The following C13orf46 variants were observed in gnomAD, a reference collection of about 807,000 sequenced individuals.
C13orf46 encodes the protein uncharacterized protein C13orf46.
At position 113,953,953 on chromosome 13, in the gene C13orf46, C is replaced by T. The variant is rs1458574656; in HGVS notation, c.*2820G>A. The T allele has an allele frequency of 6.6e-6, 1 of 152,344 alleles. No homozygotes were observed. Among genetic ancestry groups the T allele is most frequent in the Non-Finnish European group, 1.5e-5 (1 of 68,124 alleles). The allele number at this position is 152,344 out of a possible 1,614,324, so 9.4% of individuals were successfully genotyped here. ...AAATGATGACTCTGGGGCCGATGGG[C>T]ACTTATCTTCTGTGGTGTCTTTCAG... On this transcript the variant is annotated 3_prime_UTR_variant, in exon 7 of 7. Coordinates refer to ENST00000636427, the MANE Select transcript of C13orf46 (RefSeq NM_001365455.2).
chr13:113,945,604 A>G, the C13orf46 span, among the ~76,000 whole-genome samples: 1,923 of 94,564 alleles, frequency 0.02, 21 homozygotes, highest in Non-Finnish European at 0.025. Context: ...AAAGAAAGAA[A>G]GAAGAAAGAA....
chr13:113,955,603 ATCTGGCAGAGACGAGGAGTAGTG>A lies in C13orf46; in HGVS notation c.*1147_*1169del, dbSNP rs2052521851. On this transcript the variant is annotated 3_prime_UTR_variant, in exon 7 of 7. Transcript: ENST00000636427. ...GGAGCATCTCGTGGAGCGGAGGAGC[ATCTGGCAGAGACGAGGAGTAGTG>A]TCTGGCGGAGACGAGGAGTAGTGTC... 1 of 159,766 alleles carries A rather than the reference ATCTGGCAGAGACGAGGAGTAGTG, an allele frequency of 6.3e-6. No individual in the cohort carries two copies. The highest frequency in any genetic ancestry group is 1.9e-4 in the East Asian group (1 of 5,150). The allele number at this position is 159,766 out of a possible 1,614,324, so 9.9% of individuals were successfully genotyped here. A position where few individuals can be genotyped will look rare whatever the true frequency, so the allele number is the denominator to read the frequency against.
rs887836481 is a variant in C13orf46 at position 113,954,128 on chromosome 13, G to A, written c.*2645C>T. The A allele has an allele frequency of 1.3e-5, 2 of 152,216 alleles. No homozygotes were observed. The highest frequency in any genetic ancestry group is 4.8e-5 in the African/African-American group (2 of 41,432). The allele number at this position is 152,216 out of a possible 1,614,324, so 9.4% of individuals were successfully genotyped here. A position where few individuals can be genotyped will look rare whatever the true frequency, so the allele number is the denominator to read the frequency against. On this transcript the variant is annotated 3_prime_UTR_variant, in exon 7 of 7. Coordinates refer to ENST00000636427, the MANE Select transcript of C13orf46 (RefSeq NM_001365455.2). ...GCCCCTCCCTCCCTGGCTGAGTGAT[G>A]GGCAGAGCTCACCCTCTGGGAGCCT...
chr13:113,969,649 A>G, intron 2 of C13orf46, among the ~76,000 whole-genome samples: 1 of 152,318 alleles, frequency 6.6e-6, no homozygotes, highest in East Asian at 1.9e-4. Context: ...ATGACTTTTA[A>G]GTCTTCTTTG....
downstream of C13orf46, among the ~76,000 whole-genome samples, chr13:113,949,502 C>G (rs2052481038): frequency 1.3e-5 from 2 of 152,196 alleles, no homozygotes; most frequent in Non-Finnish European, 2.9e-5. Context: ...CAGGAAGGGC[C>G]TTTGAGATGA....
chr13:113,961,852 T>C (rs2052589516), intron 6 of C13orf46, among the ~76,000 whole-genome samples: 1 of 152,036 alleles, frequency 6.6e-6, no homozygotes, highest in African/African-American at 2.4e-5. Context: ...TCTGATGCTA[T>C]AAAGTGTGCA....
intron 1 of C13orf46, among the ~76,000 whole-genome samples, chr13:113,970,748 G>A (rs895224031): frequency 7.2e-5 from 11 of 152,268 alleles, no homozygotes; most frequent in South Asian, 2.1e-4. Context: ...GAGGCATTGC[G>A]GGATGTTTCT....
At chr13:113,966,018 G>A (rs903854192) in intron 5 of C13orf46, among the ~76,000 whole-genome samples, 6 of 151,518 alleles carry the variant, frequency 4.0e-5, no homozygotes, top group Non-Finnish European at 8.9e-5. Context: ...TGATGGTGGT[G>A]ATGATGGTCA....
intron 1 of C13orf46, 76 bp downstream of exon 1, chr13:113,973,732 C>A (rs185592541): frequency 6.6e-6 from 1 of 152,462 alleles, no homozygotes; most frequent in African/African-American, 2.4e-5. Context: ...TGGGCTCTGA[C>A]GCAGGTACTT....
chr13:113,937,962 CA>C, the C13orf46 span, among the ~76,000 whole-genome samples: 2,320 of 152,224 alleles, frequency 0.015, 56 homozygotes, highest in African/African-American at 0.05. Flanking sequence ...TCTTTGTGGG[CA>C]AATCGTGAGG....
At chr13:113,941,713 C>G in the C13orf46 span, among the ~76,000 whole-genome samples, 1 of 152,218 alleles carries the variant, frequency 6.6e-6, no homozygotes, top group Admixed American at 6.5e-5. Context: ...CAGCACAGCA[C>G]GCCAGGCACC....
chr13:113,946,639 A>C, the C13orf46 span, among the ~76,000 whole-genome samples: 2 of 152,238 alleles, frequency 1.3e-5, no homozygotes, highest in Non-Finnish European at 2.9e-5. Context: ...GGGTGGGAGC[A>C]GAACGGGGCC....
the C13orf46 span, among the ~76,000 whole-genome samples, chr13:113,934,902 G>A: frequency 2.6e-5 from 4 of 152,244 alleles, no homozygotes; most frequent in Non-Finnish European, 4.4e-5. Flanking sequence ...AGTTCTAAAC[G>A]GGCTCTGGGA....
At chr13:113,935,043 G>A in the C13orf46 span, among the ~76,000 whole-genome samples, 1 of 152,246 alleles carries the variant, frequency 6.6e-6, no homozygotes, top group Non-Finnish European at 1.5e-5. Context: ...AAGGAGCCAA[G>A]GCATTCCTCC....
the C13orf46 span, among the ~76,000 whole-genome samples, chr13:113,945,427 C>T: frequency 6.6e-6 from 1 of 151,958 alleles, no homozygotes; most frequent in South Asian, 2.1e-4. Flanking sequence ...CCCCTGCAGT[C>T]CCAGCTACTC....
chr13:113,949,868 G>GGAT (rs1555315434), downstream of C13orf46, among the ~76,000 whole-genome samples: 22 of 150,990 alleles, frequency 1.5e-4, no homozygotes, highest in Middle Eastern at 3.5e-3. Context: ...CTTGCTTGAG[G>GGAT]GACCTCAGTG....
At chr13:113,966,362 TTAATGATGGTGATGA>T (rs2052647769) in intron 5 of C13orf46, among the ~76,000 whole-genome samples, 2 of 140,786 alleles carry the variant, frequency 1.4e-5, no homozygotes, top group East Asian at 4.3e-4. Flanking sequence ...GGTGATGATA[TTAATGATGGTGATGA>T]TGATGATGGT....
Position 113,955,010 on chromosome 13 carries a change from T to TCTGGCGGAGACGAGGAGG in C13orf46, c.*1762_*1763insCCTCCTCGTCTCCGCCAG. The TCTGGCGGAGACGAGGAGG allele has an allele frequency of 1.6e-5, 1 of 62,038 alleles. No homozygotes were observed. Among genetic ancestry groups the TCTGGCGGAGACGAGGAGG allele is most frequent in the South Asian group, 3.0e-4 (1 of 3,316 alleles). The allele number at this position is 62,038 out of a possible 1,614,324, so 3.8% of individuals were successfully genotyped here. A position where few individuals can be genotyped will look rare whatever the true frequency, so the allele number is the denominator to read the frequency against. ...AGGAGGATCTGGCAGAGAGGAGGAG[T>TCTGGCGGAGACGAGGAGG]AGGATCTGGCGGAGAGGAGGAGTAG... is the stretch of plus-strand genomic sequence containing the variant. On this transcript the variant is annotated 3_prime_UTR_variant, in exon 7 of 7. Transcript: ENST00000636427.
At chr13:113,944,475 A>C in the C13orf46 span, among the ~76,000 whole-genome samples, 1 of 152,182 alleles carries the variant, frequency 6.6e-6, no homozygotes. Flanking sequence ...GGCCTTGGAA[A>C]TGTTCCCCTT....
Sources: gnomAD v4.1 joint callset for allele counts (sites outside exome capture counted in the v4.1 genomes callset) on GRCh38, gnomAD v4.1.1 for gene constraint, MANE v1.5 for transcripts, NCBI Gene and HGNC (gene_info 2026-07-23, HGNC 2026-07-21) for gene names.